The following SGSM1 variants were observed in gnomAD, a reference collection of about 807,000 sequenced individuals.
The protein encoded by SGSM1 is RUN and TBC1 domain containing 2.
In SGSM1, 73 loss-of-function variants were observed where a neutral mutation model predicts 133.8. The observed-to-expected ratio is 0.55, with a 90% CI of 0.45 to 0.66. SGSM1 has a LOEUF of 0.66. SGSM1 is among the 30% of genes least tolerant of loss of function. The pLI is 0.00. For synonymous variants in SGSM1, 563 were observed against 573.0 expected (o/e 0.98, Z 0.25); for missense variants, 1,213 against 1,448.1 (o/e 0.84, Z 2.64).
intron 14 of SGSM1, among the ~76,000 whole-genome samples, chr22:24,883,137 C>T (rs1302706519): frequency 6.6e-6 from 1 of 151,776 alleles, no homozygotes; most frequent in Non-Finnish European, 1.5e-5. Flanking sequence ...ATCTCCTGAC[C>T]TCGTGATCCG....
chr22:24,896,862 A>G (rs561189585), intron 18 of SGSM1, among the ~76,000 whole-genome samples: 1 of 152,058 alleles, frequency 6.6e-6, no homozygotes, highest in Admixed American at 6.6e-5. Context: ...CTGTAATCCA[A>G]GCTACTTGGG....
intron 2 of SGSM1, among the ~76,000 whole-genome samples, chr22:24,817,981 C>T (rs1928208988): frequency 6.6e-6 from 1 of 152,022 alleles, no homozygotes; most frequent in African/African-American, 2.4e-5. Context: ...CCTATAATCC[C>T]AGCACTTTGG....
At chr22:24,814,294 CA>C (rs949756625) in intron 2 of SGSM1, 5 of 66,128 alleles carry the variant, frequency 7.6e-5, no homozygotes, top group Admixed American at 1.7e-4. Context: ...CAAAACAAAA[CA>C]AAAACTAGCA....
intron 16 of SGSM1, among the ~76,000 whole-genome samples, chr22:24,889,400 T>C (rs1242515471): frequency 1.3e-5 from 2 of 150,918 alleles, no homozygotes; most frequent in Non-Finnish European, 2.9e-5. Flanking sequence ...ATCACGTTAT[T>C]AAATGTATTT....
intron 2 of SGSM1, among the ~76,000 whole-genome samples, chr22:24,818,596 A>C (rs990666013): frequency 6.6e-6 from 1 of 151,580 alleles, no homozygotes; most frequent in Admixed American, 6.6e-5. Flanking sequence ...TGAACTTCTG[A>C]CCTCAGATGA....
rs1322025567 is a variant in SGSM1 at position 24,806,347 on chromosome 22, AAG to A, written c.19+6_19+7del. 11 of 1,482,438 alleles carry A rather than the reference AAG, an allele frequency of 7.4e-6. No individual in the cohort carries two copies. Among genetic ancestry groups the A allele is most frequent in the Non-Finnish European group, 8.0e-6 (9 of 1,118,588 alleles). 91.8% of individuals were successfully genotyped at this position (1,482,438 alleles called of 1,614,324 possible). A position where few individuals can be genotyped will look rare whatever the true frequency, so the allele number is the denominator to read the frequency against. On this transcript the variant is annotated splice_donor_5th_base_variant and intron_variant, in intron 1 of 24. Transcript: ENST00000400358. ...AGCCATGGCCTCGGCCCCCGCGGGT[AAG>A]AGGCCGCTGGACACGAGGGCGGCGG... is the stretch of plus-strand genomic sequence containing the variant.
intron 5 of SGSM1, 128 bp from the exon 6 acceptor site, chr22:24,854,868 A>G (rs1397910945): frequency 4.5e-6 from 3 of 669,810 alleles, no homozygotes; most frequent in African/African-American, 3.6e-5. Flanking sequence ...TATTATCCCC[A>G]TTTTACAGAT....
chr22:24,825,763 C>T (rs1211284599), intron 2 of SGSM1, among the ~76,000 whole-genome samples: 1 of 152,182 alleles, frequency 6.6e-6, no homozygotes, highest in Non-Finnish European at 1.5e-5. Flanking sequence ...CTGCAGGGCC[C>T]TCCAGGCATC....
intron 9 of SGSM1, among the ~76,000 whole-genome samples, chr22:24,863,827 C>T (rs545734137): frequency 3.3e-5 from 5 of 151,478 alleles, no homozygotes; most frequent in African/African-American, 7.3e-5. Context: ...CTGCAACCTC[C>T]GCCTCCCAGG....
intron 16 of SGSM1, among the ~76,000 whole-genome samples, chr22:24,887,828 A>G (rs1297029031): frequency 6.6e-6 from 1 of 152,250 alleles, no homozygotes; most frequent in African/African-American, 2.4e-5. Flanking sequence ...CCAGCAAAAT[A>G]TGAGTGATCC....
At chr22:24,912,972 T>C (rs1933688266) in intron 22 of SGSM1, among the ~76,000 whole-genome samples, 1 of 152,142 alleles carries the variant, frequency 6.6e-6, no homozygotes, top group Non-Finnish European at 1.5e-5. Flanking sequence ...ATTATTAGAA[T>C]TATCATGGAA....
intron 12 of SGSM1, among the ~76,000 whole-genome samples, chr22:24,870,275 A>G (rs566334994): frequency 2.0e-5 from 3 of 152,336 alleles, no homozygotes; most frequent in East Asian, 3.9e-4. Flanking sequence ...GGCTCCATGT[A>G]TGAGGGTGAA....
chr22:24,859,059 G>C (rs139700), intron 8 of SGSM1, among the ~76,000 whole-genome samples: 14,445 of 152,280 alleles, frequency 0.095, 1,271 homozygotes, highest in African/African-American at 0.23. Flanking sequence ...ATAGGTGCGT[G>C]TGGTTAAATC....
chr22:24,912,683 G>A lies in SGSM1; in HGVS notation c.2859G>A (p.Arg953=). The part of the protein sequence containing the change: ...AFSCFTELMK[R]MNQNFPHGGA... ...GCTGCTTCACGGAGCTCATGAAGAG[G>A]ATGAACCAGAACTTCCCCCACGGAG... Residue 953 remains arginine, a synonymous_variant, in exon 22 of 25, where the codon AGG becomes AGA. Transcript: ENST00000400358. The A allele has an allele frequency of 1.9e-6, 3 of 1,613,826 alleles. No homozygotes were observed. The highest frequency in any genetic ancestry group is 2.5e-6 in the Non-Finnish European group (3 of 1,179,920).
At chr22:24,845,151 G>A (rs1930026294) in intron 3 of SGSM1, among the ~76,000 whole-genome samples, 179 bp downstream of exon 3, 1 of 152,116 alleles carries the variant, frequency 6.6e-6, no homozygotes, top group Admixed American at 6.6e-5. Context: ...AATGACTTCT[G>A]TACCCCATGA....
In SGSM1 at chr22:24,874,431, G is replaced by C. The variant is rs758197558; in HGVS notation, c.1292-2146G>C. The C allele has an allele frequency of 2.5e-6, 4 of 1,611,006 alleles. No homozygotes were observed. The Admixed American group carries it at 6.7e-5, about 27-fold the overall frequency. On this transcript the variant is annotated intron_variant, in intron 12 of 24. Transcript: ENST00000400358. Reference sequence around the variant, plus strand: ...TGTCTCAAGTTGCCCCCGACTTCTTGGGCAGCACTTCCTCCGTCTCTGTGG... The same window carrying C: ...TGTCTCAAGTTGCCCCCGACTTCTTCGGCAGCACTTCCTCCGTCTCTGTGG...
intron 2 of SGSM1, among the ~76,000 whole-genome samples, chr22:24,821,094 T>C (rs1928441969): frequency 6.6e-6 from 1 of 152,212 alleles, no homozygotes; most frequent in Non-Finnish European, 1.5e-5. Context: ...TGGAGCGCAA[T>C]GGCGTGATCT....
intron 16 of SGSM1, among the ~76,000 whole-genome samples, chr22:24,889,078 C>G: frequency 6.6e-6 from 1 of 151,168 alleles, no homozygotes; most frequent in African/African-American, 2.4e-5. Context: ...TCTCCTGCCT[C>G]AGCCTCCCCA....
chr22:24,899,048 C>T (rs1004484245), intron 19 of SGSM1, among the ~76,000 whole-genome samples: 3 of 122,012 alleles, frequency 2.5e-5, no homozygotes, highest in South Asian at 2.7e-4. Flanking sequence ...AAAAAAAAAA[C>T]GTGTACAGTG....
Sources: gnomAD v4.1 joint callset for allele counts (sites outside exome capture counted in the v4.1 genomes callset) on GRCh38, gnomAD v4.1.1 for gene constraint, MANE v1.5 for transcripts, NCBI Gene and HGNC (gene_info 2026-07-23, HGNC 2026-07-21) for gene names.